FGF13: variants seen among roughly 807,000 people sequenced by gnomAD.
FGF13 encodes fibroblast growth factor 13.
Under a neutral mutation model 19.5 loss-of-function variants are expected in FGF13, and 2 were observed. The ratio of observed to expected loss-of-function variants is 0.10; its 90% CI spans 0.04 to 0.32. The LOEUF (loss-of-function observed/expected upper bound fraction) is 0.32. Ranked by LOEUF, FGF13 falls within the 10% of genes least tolerant of loss-of-function variation. FGF13 has a pLI of 1.00. For missense variants in FGF13, 113 were observed against 192.7 expected (o/e 0.59, Z 2.45); for synonymous variants, 72 against 76.9 (o/e 0.94, Z 0.33).
chrX:138,977,682 T>C lies in FGF13; in HGVS notation c.-112-113032A>G, dbSNP rs1159569760. 5.4e-5 allele frequency among the ~76,000 whole-genome samples: 6 copies of C among 111,291 alleles called. No homozygotes were observed. In the East Asian group the frequency reaches 1.7e-3, roughly 32 times the overall value. On this transcript the variant is annotated intron_variant, in intron 1 of 2. Transcript: ENST00000421460. ...AGCCTGGCTTTAAAGAAACATGGAG[T>C]AATGAAGGAGGATACCACAGATGAA...
rs190024341 is a variant in FGF13, at chrX:139,052,291, T to G, written c.-113+151125A>C. 2.3e-3 allele frequency among the ~76,000 whole-genome samples: 255 copies of G among 111,842 alleles called. 2 individuals carry two copies. The highest frequency in any genetic ancestry group is 7.7e-3 in the African/African-American group (238 of 30,782). On this transcript the variant is annotated intron_variant, in intron 1 of 2. Transcript: ENST00000421460. Reference sequence around the variant, plus strand: ...AAAAAATATAAACTTTATTCCTCAATGTAAGCTCCATCAAGGTCAAGACAG... The same window carrying G: ...AAAAAATATAAACTTTATTCCTCAAGGTAAGCTCCATCAAGGTCAAGACAG...
intron 2 of FGF13, among the ~76,000 whole-genome samples, chrX:138,861,118 G>A (rs781227656): frequency 8.9e-6 from 1 of 112,249 alleles, no homozygotes; most frequent in Non-Finnish European, 1.9e-5. Context: ...CCATCAGGTG[G>A]GCAAGCTTGC....
Position 138,618,371 on chromosome X carries a change from A to C in FGF13, c.*14479T>G, listed in dbSNP as rs2088986809. ...GCTTTCCTAGCCACGTGGGACACTGACCAAGAGGCCTACTTCTTTCTATCC... is the reference window on the plus strand; with the variant it reads ...GCTTTCCTAGCCACGTGGGACACTGCCCAAGAGGCCTACTTCTTTCTATCC... On this transcript the variant is annotated 3_prime_UTR_variant, in exon 5 of 5. Coordinates refer to ENST00000315930, the MANE Select transcript of FGF13 (RefSeq NM_004114.5). 9.0e-6 allele frequency: 1 copy of C among 111,720 alleles called. No homozygotes were observed. Among genetic ancestry groups the C allele is most frequent in the Admixed American group, 9.5e-5 (1 of 10,543 alleles). 9.2% of individuals were successfully genotyped at this position (111,720 alleles called of 1,213,427 possible). A position where few individuals can be genotyped will look rare whatever the true frequency, so the allele number is the denominator to read the frequency against.
intron 1 of FGF13, among the ~76,000 whole-genome samples, chrX:138,905,649 T>C (rs1267854736): frequency 8.9e-6 from 1 of 112,068 alleles, no homozygotes; most frequent in Non-Finnish European, 1.9e-5. Flanking sequence ...TACAAACAAA[T>C]TTCACTTTTG....
intron 3 of FGF13, among the ~76,000 whole-genome samples, chrX:138,671,048 G>A (rs868662449): frequency 4.8e-5 from 5 of 104,643 alleles, no homozygotes; most frequent in South Asian, 8.1e-4. Context: ...CACCACCACC[G>A]CCATCATCAT....
chrX:138,741,982 G>A (rs756521376), upstream of FGF13, among the ~76,000 whole-genome samples: 2 of 111,803 alleles, frequency 1.8e-5, no homozygotes, highest in Non-Finnish European at 3.8e-5. Flanking sequence ...ACCTCCACAG[G>A]TTTGTTCAAG....
intron 3 of FGF13, among the ~76,000 whole-genome samples, chrX:138,793,975 A>G (rs1034244344): frequency 4.5e-5 from 5 of 111,850 alleles, no homozygotes; most frequent in African/African-American, 1.6e-4. Flanking sequence ...TGCAGCTCTA[A>G]CATTGCCATC....
chrX:139,111,295 C>G (rs781332913), intron 1 of FGF13, among the ~76,000 whole-genome samples: 1 of 111,696 alleles, frequency 9.0e-6, no homozygotes, highest in Non-Finnish European at 1.9e-5. Context: ...AAATGAACTT[C>G]GTGATCATGT....
intron 1 of FGF13, among the ~76,000 whole-genome samples, chrX:138,904,192 G>A (rs912338818): frequency 2.7e-5 from 3 of 111,568 alleles, no homozygotes; most frequent in South Asian, 3.8e-4. Flanking sequence ...ACAGTGGCTC[G>A]TGTCAAGATA....
intron 3 of FGF13, among the ~76,000 whole-genome samples, chrX:138,641,324 T>C (rs1248488498): frequency 8.9e-6 from 1 of 111,748 alleles, no homozygotes; most frequent in Non-Finnish European, 1.9e-5. Flanking sequence ...TATTCCCACC[T>C]CTCTCTTCTT....
chrX:138,871,786 G>A (rs1161510123), intron 1 of FGF13, among the ~76,000 whole-genome samples: 1 of 111,484 alleles, frequency 9.0e-6, no homozygotes, highest in Non-Finnish European at 1.9e-5. Flanking sequence ...AAATGAAGGA[G>A]ACCAGTATGG....
chrX:139,162,474 G>A (rs181087788), intron 1 of FGF13, among the ~76,000 whole-genome samples: 4 of 112,166 alleles, frequency 3.6e-5, no homozygotes, highest in South Asian at 3.7e-4. Context: ...TCAGGACATA[G>A]GCACGGGCAA....
intron 3 of FGF13, among the ~76,000 whole-genome samples, chrX:138,781,154 C>A (rs752218487): frequency 1.6e-3 from 180 of 110,971 alleles, no homozygotes; most frequent in African/African-American, 5.5e-3. Context: ...ATCTCTGGGA[C>A]GCATTCAAAG....
Position 139,158,997 on chromosome X carries a change from G to A in FGF13, c.-113+44419C>T, listed in dbSNP as rs184743310. ...AGAGAACACCATAAAGATACTCCTC[G>A]AGAAGAGCAACCCCAAGACACATAA... On this transcript the variant is annotated intron_variant, in intron 1 of 2. Coordinates refer to the FGF13 transcript ENST00000421460. Among the ~76,000 whole-genome samples the A allele has an allele frequency of 9.0e-5, 10 of 111,461 alleles. No homozygotes were observed. In the East Asian group the frequency reaches 1.7e-3, roughly 19 times the overall value.
At chrX:139,151,544 A>C (rs986329318) in intron 1 of FGF13, among the ~76,000 whole-genome samples, 15 of 112,288 alleles carry the variant, frequency 1.3e-4, no homozygotes, top group African/African-American at 4.8e-4. Context: ...CATATCAAGC[A>C]GTAGTTAAAT....
At chrX:138,946,988 T>C (rs780873356) in intron 1 of FGF13, among the ~76,000 whole-genome samples, 1 of 111,887 alleles carries the variant, frequency 8.9e-6, no homozygotes, top group African/African-American at 3.2e-5. Context: ...AAACAAGAGG[T>C]CGATTGCAGA....
In FGF13 at chrX:138,623,769, T is replaced by C; in HGVS notation, c.*9081A>G. On this transcript the variant is annotated 3_prime_UTR_variant, in exon 5 of 5. Coordinates refer to ENST00000315930, the MANE Select transcript of FGF13 (RefSeq NM_004114.5). ...TCCAGCCTGGGTGACAGAGCAAGAC[T>C]CCATCTCAAAAACAAACAAACAAAC... 1 of 112,272 alleles carries C rather than the reference T, an allele frequency of 8.9e-6. No individual in the cohort carries two copies. Among genetic ancestry groups the C allele is most frequent in the Non-Finnish European group, 1.9e-5 (1 of 53,184 alleles). The allele number at this position is 112,272 out of a possible 1,213,427, so 9.3% of individuals were successfully genotyped here.
intron 1 of FGF13, among the ~76,000 whole-genome samples, chrX:138,927,078 C>A (rs1016300169): frequency 1.8e-5 from 2 of 111,916 alleles, no homozygotes; most frequent in Non-Finnish European, 3.8e-5. Flanking sequence ...AGAGTACAAA[C>A]CTTGCACCAA....
At chrX:139,128,748 T>C (rs187073579) in intron 1 of FGF13, among the ~76,000 whole-genome samples, 9 of 112,072 alleles carry the variant, frequency 8.0e-5, no homozygotes, top group African/African-American at 2.9e-4. Flanking sequence ...ATTAAATAAA[T>C]GGTTGAGTGC....
Sources: allele counts gnomAD v4.1 joint callset (sites outside exome capture counted in the v4.1 genomes callset), GRCh38; gene constraint gnomAD v4.1.1; transcripts MANE v1.5; gene names NCBI Gene and HGNC (gene_info 2026-07-23, HGNC 2026-07-21).